The following PLEC variants were observed in gnomAD, a reference collection of about 807,000 sequenced individuals.
PLEC encodes the protein hemidesmosomal protein 1.
In PLEC, 216 loss-of-function variants were observed where a neutral mutation model predicts 392.8. The observed-to-expected ratio is 0.55, with a 90% CI of 0.49 to 0.62. The LOEUF is 0.62. PLEC is among the 20% of genes least tolerant of loss of function. The probability of loss-of-function intolerance (pLI) is 0.00; values close to 1 mark genes in which losing one functional copy is unlikely to be tolerated. For missense variants in PLEC, 6,863 were observed against 6,563.4 expected, an observed-to-expected ratio of 1.05 and a Z score of -1.58; for synonymous variants, 3,621 against 2,980.6, an observed-to-expected ratio of 1.21 and a Z score of -7.00.
chr8:143,939,130 C>T (rs1829874753), intron 1 of PLEC, among the ~76,000 whole-genome samples: 1 of 152,222 alleles, frequency 6.6e-6, no homozygotes, highest in South Asian at 2.1e-4. Context: ...CGCAGAGTTC[C>T]TCGCCCTTCC....
In PLEC at chr8:143,925,348, CGCCTCG is replaced by C. The variant is rs782365801; in HGVS notation, c.4575_4580del (p.Glu1526_Ala1527del). The C allele has an allele frequency of 1.7e-5, 27 of 1,551,556 alleles. No individual in the cohort carries two copies. The highest frequency in any genetic ancestry group is 5.6e-5 in the Admixed American group (3 of 53,712). Reference sequence around the variant, plus strand: ...GCAGGGCCCGCTGCTTCTCGCGCGCCGCCTCGGCCTCGGCCTTCACGCGCGAGGCCA... The same window carrying C: ...GCAGGGCCCGCTGCTTCTCGCGCGCCGCCTCGGCCTTCACGCGCGAGGCCA... On this transcript the variant is annotated inframe_deletion, in exon 31 of 32. Coordinates refer to ENST00000345136, the MANE Select transcript of PLEC (RefSeq NM_201384.3).
chr8:143,919,727 G>T lies in PLEC; in HGVS notation c.10094C>A (p.Thr3365Asn). 6.2e-7 allele frequency: 1 copy of T among 1,606,982 alleles called. No homozygotes were observed. The highest frequency in any genetic ancestry group is 1.1e-5 in the South Asian group (1 of 91,002). ...CTCGTAGATGGACACCTTCTCCTTGGTGTCCTCCAGGTAGATGCCGGCGAG... is the reference window on the plus strand; with the variant it reads ...CTCGTAGATGGACACCTTCTCCTTGTTGTCCTCCAGGTAGATGCCGGCGAG... ...GCLAGIYLED[T>N]KEKVSIYEAM... The change falls in exon 32 of 32, where the codon ACC (threonine) becomes AAC (asparagine). Residue 3365 changes from threonine (T) to asparagine (N), a missense_variant. Thr to Asn is a moderately conservative substitution (Grantham distance 65). Transcript: ENST00000345136.
In PLEC at chr8:143,924,062, T is replaced by G; in HGVS notation, c.5867A>C (p.Glu1956Ala). 6.3e-7 allele frequency: 1 copy of G among 1,597,444 alleles called. No homozygotes were observed. Among genetic ancestry groups the G allele is most frequent in the South Asian group, 1.1e-5 (1 of 90,848 alleles). Residue 1956 changes from glutamate (E) to alanine (A), a missense_variant, in exon 31 of 32, where the codon GAG (glutamate) becomes GCG (alanine). Transcript: ENST00000345136. The stretch of plus-strand genomic sequence containing the variant: ...CTGCTCCTTGCTGCGCAGCGTGTCC[T>G]CCGCGTTGCTGCGGATGCGTCCCAG... Reference protein sequence around the residue: ...LELGRIRSNAEDTLRSKEQAE... With the variant: ...LELGRIRSNAADTLRSKEQAE...
At chr8:143,952,764 C>T (rs1272497166), upstream of PLEC, among the ~76,000 whole-genome samples, 2 of 152,186 alleles carry the variant, frequency 1.3e-5, no homozygotes, top group Non-Finnish European at 2.9e-5. Flanking sequence ...CAGGACTGAC[C>T]CCCGCTGGGC....
upstream of PLEC, among the ~76,000 whole-genome samples, chr8:143,942,836 A>T (rs562996789): frequency 6.6e-6 from 1 of 152,318 alleles, no homozygotes; most frequent in East Asian, 1.9e-4. Flanking sequence ...CCAGGGAGGA[A>T]GGCAGGGCAT....
chr8:143,975,489 C>T (rs1341001457), upstream of PLEC: 4 of 845,250 alleles, frequency 4.7e-6, no homozygotes, highest in South Asian at 2.9e-5. The surrounding 1 kb of genome is among the most constrained non-coding windows in gnomAD (Gnocchi z 9.9). Context: ...CCCAGCCTCT[C>T]GCCTGGACAC....
Position 143,917,995 on chromosome 8 carries a change from G to A in PLEC, c.11826C>T (p.Ala3942=). The part of the protein sequence containing the change: ...TSCIAGVFVD[A]TKERLSVYQA... ...GGTACACCGAGAGCCGTTCCTTGGT[G>A]GCGTCCACGAAGACACCAGCGATGC... The change falls in exon 32 of 32, where the codon GCC becomes GCT. Residue 3942 remains alanine (A), a synonymous_variant. Transcript: ENST00000345136. 6.2e-7 allele frequency: 1 copy of A among 1,612,462 alleles called. No individual in the cohort carries two copies. The highest frequency in any genetic ancestry group is 8.5e-7 in the Non-Finnish European group (1 of 1,179,930).
chr8:143,942,519 G>A (rs1554729595), upstream of PLEC: 4 of 1,564,088 alleles, frequency 2.6e-6, no homozygotes, highest in Non-Finnish European at 2.6e-6. Context: ...CCGACATGCC[G>A]GCCACGGCCG....
Position 143,924,779 on chromosome 8 carries a change from C to A in PLEC, c.5150G>T (p.Arg1717Leu). ...QRLAAEQELI[R>L]LRAETEQGEQ... Reference sequence around the variant, plus strand: ...CCCCTGCTCCGTCTCGGCCCGCAGCCGGATCAACTCCTGCTCCGCGGCCAG... The same window carrying A: ...CCCCTGCTCCGTCTCGGCCCGCAGCAGGATCAACTCCTGCTCCGCGGCCAG... The change falls in exon 31 of 32, where the codon CGG becomes CTG. Residue 1717 changes from arginine (R) to leucine (L), a missense_variant. Coordinates refer to ENST00000345136, the MANE Select transcript of PLEC (RefSeq NM_201384.3). The A allele has an allele frequency of 6.5e-7, 1 of 1,535,474 alleles. No homozygotes were observed. Among genetic ancestry groups the A allele is most frequent in the East Asian group, 2.4e-5 (1 of 40,884 alleles).
intron 1 of PLEC, among the ~76,000 whole-genome samples, chr8:143,968,794 G>C (rs1833256389): frequency 6.6e-6 from 1 of 152,148 alleles, no homozygotes; most frequent in Non-Finnish European, 1.5e-5. Context: ...AAACCACAAT[G>C]AGATTCCACT....
intron 30 of PLEC, 69 bp from the exon 31 acceptor site, chr8:143,925,953 C>T (rs549845616): frequency 6.2e-5 from 91 of 1,458,674 alleles, no homozygotes; most frequent in African/African-American, 4.5e-4. Context: ...TGACGGGGCA[C>T]GCACCGGCAC....
In PLEC at chr8:143,918,565, G is replaced by A. The variant is rs1364268762; in HGVS notation, c.11256C>T (p.Leu3752=). The part of the protein sequence containing the change: ...LTVDEAVRKG[L]VGPELHDRLL... ...GGCGGTCGTGCAGCTCGGGCCCCAC[G>A]AGGCCCTTCCGCACAGCCTCATCCA... The change falls in exon 32 of 32, where the codon CTC becomes CTT. Residue 3752 remains leucine (L), a synonymous_variant. Coordinates refer to ENST00000345136, the MANE Select transcript of PLEC (RefSeq NM_201384.3). 1.3e-5 allele frequency: 21 copies of A among 1,611,254 alleles called. No individual in the cohort carries two copies. Among genetic ancestry groups the A allele is most frequent in the South Asian group, 3.3e-5 (3 of 91,056 alleles).
chr8:143,928,026 G>T (rs1554709261), intron 25 of PLEC, 34 bp from the exon 26 acceptor site: 1 of 1,569,434 alleles, frequency 6.4e-7, no homozygotes, highest in Admixed American at 1.7e-5. Context: ...GCCATGACAT[G>T]GGGCTCGAGC....
chr8:143,942,018 G>C (rs887596027), upstream of PLEC, among the ~76,000 whole-genome samples: 3 of 152,114 alleles, frequency 2.0e-5, no homozygotes, highest in African/African-American at 7.2e-5. Context: ...ACTGGGAAGG[G>C]AATCCCACTG....
chr8:143,971,769 CCACTT>C (rs1408290779), intron 1 of PLEC, among the ~76,000 whole-genome samples: 1 of 152,176 alleles, frequency 6.6e-6, no homozygotes. Context: ...CGTGACAACT[CCACTT>C]CAGGCAAGCC....
upstream of PLEC, among the ~76,000 whole-genome samples, chr8:143,974,625 G>A (rs1313501775): frequency 2.0e-5 from 3 of 152,206 alleles, no homozygotes; most frequent in Admixed American, 2.0e-4. The surrounding 1 kb of genome is among the most constrained non-coding windows in gnomAD (Gnocchi z 5.9). Flanking sequence ...GGACTCTCAA[G>A]CCAAAGCCTA....
chr8:143,925,326 G>A lies in PLEC; in HGVS notation c.4603C>T (p.Leu1535=), dbSNP rs1554701948. 1 of 1,562,128 alleles carries A rather than the reference G, an allele frequency of 6.4e-7. No individual in the cohort carries two copies. The highest frequency in any genetic ancestry group is 1.4e-5 in the African/African-American group (1 of 73,718). Reference sequence around the variant, plus strand: ...AGCCGCAGCTCCTCCAGGGCCTGCAGGGCCCGCTGCTTCTCGCGCGCCGCC... The same window carrying A: ...AGCCGCAGCTCCTCCAGGGCCTGCAAGGCCCGCTGCTTCTCGCGCGCCGCC... ...AEAAREKQRA[L]QALEELRLQA... The change falls in exon 31 of 32, where the codon CTG becomes TTG. Residue 1535 remains leucine (L), a synonymous_variant. Transcript: ENST00000345136.
intron 1 of PLEC, 119 bp downstream of exon 1, chr8:143,939,231 C>T: frequency 7.3e-7 from 1 of 1,363,702 alleles, no homozygotes; most frequent in Non-Finnish European, 1.0e-6. Context: ...TGGCCCCCGA[C>T]CCCCATCTCC....
intron 1 of PLEC, among the ~76,000 whole-genome samples, chr8:143,966,715 C>T (rs1297218367): frequency 6.6e-6 from 1 of 152,138 alleles, no homozygotes; most frequent in African/African-American, 2.4e-5. Flanking sequence ...TGCCACAGGA[C>T]AGGGCAGGGC....
Sources: gnomAD v4.1 joint callset for allele counts (sites outside exome capture counted in the v4.1 genomes callset) on GRCh38, gnomAD v4.1.1 for gene constraint, Gnocchi (gnomAD v3.1) non-coding constraint, MANE v1.5 for transcripts, NCBI Gene and HGNC (gene_info 2026-07-23, HGNC 2026-07-21) for gene names.